The following DYNC1H1 variants were observed in gnomAD, a reference collection of about 807,000 sequenced individuals.
DYNC1H1 encodes the protein dynein cytoplasmic 1 heavy chain 1.
DYNC1H1 carries 51 observed loss-of-function variants against 527.1 expected under a neutral mutation model. The observed-to-expected ratio is 0.10, with a 90% confidence interval of 0.08 to 0.12. The LOEUF is 0.12. DYNC1H1 is among the 10% of genes least tolerant of loss of function. The pLI is 1.00. For synonymous variants in DYNC1H1, 2,189 were observed against 2,278.8 expected (o/e 0.96, Z 1.12); for missense variants, 2,771 against 5,971.8 (o/e 0.46, Z 17.66).
chr14:101,992,600 GTCT>G (rs2048010226), intron 11 of DYNC1H1, among the ~76,000 whole-genome samples: 2 of 152,048 alleles, frequency 1.3e-5, no homozygotes, highest in Non-Finnish European at 2.9e-5. Context: ...TCTCTTCTGG[GTCT>G]TCTTTCAGCA....
Position 102,044,179 on chromosome 14 carries a change from A to G in DYNC1H1, c.12685-95A>G. The G allele has an allele frequency of 6.3e-7, 1 of 1,584,742 alleles. No individual in the cohort carries two copies. Among genetic ancestry groups the G allele is most frequent in the East Asian group, 2.3e-5 (1 of 44,188 alleles). ...CGTGACCGCCAAAGCCTAGCTGGCC[A>G]TGGGGAGTGAGGAGGAAAGCTGTGC... On this transcript the variant is annotated intron_variant, in intron 70 of 77. Coordinates refer to ENST00000360184, the MANE Select transcript of DYNC1H1 (RefSeq NM_001376.5). This position sits in a 1 kb window ranked among gnomAD's most constrained non-coding sequence, Gnocchi z 7.1.
intron 15 of DYNC1H1, 48 bp from the exon 16 acceptor site, chr14:101,996,969 CTCTAATTAATAATTTCTA>C: frequency 6.4e-7 from 1 of 1,556,614 alleles, no homozygotes; most frequent in Non-Finnish European, 8.7e-7. Flanking sequence ...TTTCATGGGG[CTCTAATTAATAATTTCTA>C]TCATTGTTAT....
At chr14:102,047,641 G>GTGTGTGTGTGTATATATATATATATATA in intron 72 of DYNC1H1, 176 bp from the exon 73 acceptor site, 163 of 316,660 alleles carry the variant, frequency 5.1e-4, no homozygotes, top group Middle Eastern at 2.9e-3. Flanking sequence ...GTGTGTGTGT[G>GTGTGTGTGTGTATATATATATATATATA]TATATATATA....
chr14:102,018,762 A>G lies in DYNC1H1; in HGVS notation c.8343+146A>G, dbSNP rs1364175451. 9.3e-7 allele frequency: 1 copy of G among 1,071,786 alleles called. No homozygotes were observed. Among genetic ancestry groups the G allele is most frequent in the Non-Finnish European group, 1.4e-6 (1 of 729,270 alleles). 66.4% of individuals were successfully genotyped at this position (1,071,786 alleles called of 1,614,324 possible). ...GATCCTTTGAGCCCAGGAGTTTGAG[A>G]CCAGTCTGGACAACATGGCAAAACC... On this transcript the variant is annotated intron_variant, in intron 41 of 77. Coordinates refer to ENST00000360184, the MANE Select transcript of DYNC1H1 (RefSeq NM_001376.5). The surrounding 1 kb of genome is among the most constrained non-coding windows in gnomAD (Gnocchi z 5.2).
Position 102,027,756 on chromosome 14 carries a change from C to A in DYNC1H1, c.9186C>A (p.Leu3062=), listed in dbSNP as rs1420520308. 6.2e-7 allele frequency: 1 copy of A among 1,614,190 alleles called. No individual in the cohort carries two copies. Among genetic ancestry groups the A allele is most frequent in the East Asian group, 2.2e-5 (1 of 44,878 alleles). Residue 3062 remains leucine, a synonymous_variant, in exon 47 of 78, where the codon CTC becomes CTA. Coordinates refer to ENST00000360184, the MANE Select transcript of DYNC1H1 (RefSeq NM_001376.5). This position sits in a 1 kb window ranked among gnomAD's most constrained non-coding sequence, Gnocchi z 7.7. ...KWFTSQVIRN[L]HVVFTMNPSS... is the part of the protein sequence containing the mutation. ...TCACTAGCCAGGTTATCCGCAACCTCCACGTCGTGTTCACCATGAACCCGT... is the reference window on the plus strand; with the variant it reads ...TCACTAGCCAGGTTATCCGCAACCTACACGTCGTGTTCACCATGAACCCGT...
rs1317418503 is a variant in DYNC1H1, at chr14:102,048,048, G to A, written c.13218+20G>A. The A allele has an allele frequency of 3.1e-6, 5 of 1,600,358 alleles. No individual in the cohort carries two copies. The highest frequency in any genetic ancestry group is 1.3e-5 in the African/African-American group (1 of 74,516). ...ATCAAGGTAGCTGGGAGGGTGGCGG[G>A]CCGGCCAGGTCTCAAGGTCCCAGGT... On this transcript the variant is annotated intron_variant, in intron 73 of 77. Coordinates refer to ENST00000360184, the MANE Select transcript of DYNC1H1 (RefSeq NM_001376.5).
chr14:101,964,598 C>A lies in DYNC1H1; in HGVS notation c.-94C>A. The A allele has an allele frequency of 2.6e-6, 4 of 1,528,682 alleles. No homozygotes were observed. Among genetic ancestry groups the A allele is most frequent in the Non-Finnish European group, 2.6e-6 (3 of 1,143,408 alleles). The allele number at this position is 1,528,682 out of a possible 1,614,324, so 94.7% of individuals were successfully genotyped here. Reference sequence around the variant, plus strand: ...AGTCTGCGGTGGGCTAGCGGACGGTCCGGCTTCCGGCGGCCGTTTCTGTCT... The same window carrying A: ...AGTCTGCGGTGGGCTAGCGGACGGTACGGCTTCCGGCGGCCGTTTCTGTCT... On this transcript the variant is annotated 5_prime_UTR_variant, in exon 1 of 78. Transcript: ENST00000360184. The surrounding 1 kb of genome is among the most constrained non-coding windows in gnomAD (Gnocchi z 5.5).
Position 102,015,071 on chromosome 14 carries a change from A to G in DYNC1H1, c.7015-34A>G. ...TAATGTCCAGGTTTCTTCCAAACCT[A>G]TGTCATTAAATCTGCTTAATGTTTT... On this transcript the variant is annotated intron_variant, in intron 34 of 77. Transcript: ENST00000360184. This position sits in a 1 kb window ranked among gnomAD's most constrained non-coding sequence, Gnocchi z 6.9. 2 of 1,609,682 alleles carry G rather than the reference A, an allele frequency of 1.2e-6. No homozygotes were observed. Among genetic ancestry groups the G allele is most frequent in the South Asian group, 1.1e-5 (1 of 90,926 alleles).
At chr14:102,013,969 G>A (rs535943620) in intron 34 of DYNC1H1, among the ~76,000 whole-genome samples, 1 of 152,314 alleles carries the variant, frequency 6.6e-6, no homozygotes, top group South Asian at 2.1e-4. Context: ...CAGCTTATGA[G>A]CCTTTAACAA....
In DYNC1H1 at chr14:102,042,558, G is replaced by C. The variant is rs377539512; in HGVS notation, c.12399+51G>C. 1 of 1,613,790 alleles carries C rather than the reference G, an allele frequency of 6.2e-7. No individual in the cohort carries two copies. Among genetic ancestry groups the C allele is most frequent in the South Asian group, 1.1e-5 (1 of 91,022 alleles). On this transcript the variant is annotated intron_variant, in intron 68 of 77. Coordinates refer to ENST00000360184, the MANE Select transcript of DYNC1H1 (RefSeq NM_001376.5). This position sits in a 1 kb window ranked among gnomAD's most constrained non-coding sequence, Gnocchi z 5.7. ...TTGCAGGCTGGCCTGGCACTGTGCT[G>C]TCGGCACGTGTGTGGTGGAATTGAA...
Position 102,036,762 on chromosome 14 carries a change from C to A in DYNC1H1, c.10908+120C>A, listed in dbSNP as rs541719284. ...TTTGTATCAGAAGGATAAAGCTTTG[C>A]GGTGGTTCTGTAATAGATAAATTCA... On this transcript the variant is annotated intron_variant, in intron 57 of 77. Coordinates refer to ENST00000360184, the MANE Select transcript of DYNC1H1 (RefSeq NM_001376.5). This position sits in a 1 kb window ranked among gnomAD's most constrained non-coding sequence, Gnocchi z 5.6. 2 of 1,315,172 alleles carry A rather than the reference C, an allele frequency of 1.5e-6. No homozygotes were observed. The highest frequency in any genetic ancestry group is 2.2e-6 in the Non-Finnish European group (2 of 916,224). 81.5% of individuals were successfully genotyped at this position (1,315,172 alleles called of 1,614,324 possible).
Position 102,048,098 on chromosome 14 carries a change from T to G in DYNC1H1, c.13218+70T>G, listed in dbSNP as rs2273656. The G allele has an allele frequency of 0.05, 76,211 of 1,510,354 alleles. 3,589 individuals carry two copies. The highest frequency in any genetic ancestry group is 0.22 in the East Asian group (9,253 of 41,156). 93.6% of individuals were successfully genotyped at this position (1,510,354 alleles called of 1,614,324 possible). On this transcript the variant is annotated intron_variant, in intron 73 of 77. Coordinates refer to ENST00000360184, the MANE Select transcript of DYNC1H1 (RefSeq NM_001376.5). The stretch of plus-strand genomic sequence containing the variant: ...TGCTGGGTATGGTCATGGACCATTG[T>G]TCCATGGACCATTGGTTCCACTGTG...
chr14:101,996,921 C>T, intron 15 of DYNC1H1, 114 bp from the exon 16 acceptor site: 1 of 1,434,486 alleles, frequency 7.0e-7, no homozygotes, highest in Non-Finnish European at 9.5e-7. Context: ...CTGTGTCTGG[C>T]CAGTCTTACG....
chr14:102,023,098 AC>A (rs1406206491), intron 43 of DYNC1H1: 2 of 683,622 alleles, frequency 2.9e-6, no homozygotes, highest in East Asian at 3.7e-5. Context: ...CTCCACCTCT[AC>A]AAAAAAATTT....
rs763897456 is a variant in DYNC1H1 at position 101,995,312 on chromosome 14, G to A, written c.3564+12G>A. The stretch of plus-strand genomic sequence containing the variant: ...AGAAGCAAGTTGAGGTGAGCTCTGT[G>A]CATATTTAAAAATTTTTGGCTGGGC... On this transcript the variant is annotated intron_variant, in intron 15 of 77. Transcript: ENST00000360184. 6.2e-7 allele frequency: 1 copy of A among 1,614,028 alleles called. No individual in the cohort carries two copies.
Position 102,049,156 on chromosome 14 carries a change from C to T in DYNC1H1, c.13373-284C>T, listed in dbSNP as rs144810621. The T allele has an allele frequency of 5.4e-5, 27 of 503,874 alleles. No homozygotes were observed. The highest frequency in any genetic ancestry group is 8.3e-5 in the Non-Finnish European group (23 of 276,234). The allele number at this position is 503,874 out of a possible 1,614,324, so 31.2% of individuals were successfully genotyped here. On this transcript the variant is annotated intron_variant, in intron 74 of 77. Coordinates refer to ENST00000360184, the MANE Select transcript of DYNC1H1 (RefSeq NM_001376.5). The surrounding 1 kb of genome is among the most constrained non-coding windows in gnomAD (Gnocchi z 5.5). ...CTTGTGTGACATGAGGTTTTAGCCG[C>T]GGTTTTGCTTGGATGTGATTATGGT...
chr14:101,980,620 T>C (rs1430833965), intron 5 of DYNC1H1, 70 bp downstream of exon 5: 3 of 1,551,382 alleles, frequency 1.9e-6, no homozygotes, highest in Non-Finnish European at 2.6e-6. Flanking sequence ...TACTTGATAA[T>C]TTAAATGAAA....
chr14:101,988,245 G>C (rs2047957926), intron 9 of DYNC1H1, among the ~76,000 whole-genome samples: 1 of 152,090 alleles, frequency 6.6e-6, no homozygotes, highest in African/African-American at 2.4e-5. Context: ...ACCTTTTCTA[G>C]CCCTCCAGGT....
intron 1 of DYNC1H1, among the ~76,000 whole-genome samples, chr14:101,973,273 C>A (rs904521951): frequency 6.6e-6 from 1 of 151,414 alleles, no homozygotes. Flanking sequence ...ATTCTCTTAC[C>A]CCAACCTCCC....
Sources: gnomAD v4.1 joint callset for allele counts (sites outside exome capture counted in the v4.1 genomes callset) on GRCh38, gnomAD v4.1.1 for gene constraint, Gnocchi (gnomAD v3.1) non-coding constraint, MANE v1.5 for transcripts, NCBI Gene and HGNC (gene_info 2026-07-23, HGNC 2026-07-21) for gene names.